APC2: variants seen among roughly 807,000 people sequenced by gnomAD.
APC2 encodes adenomatous polyposis coli protein 2.
APC2 carries 41 observed loss-of-function variants against 72.5 expected under a neutral mutation model. The ratio of observed to expected loss-of-function variants is 0.57; its 90% CI spans 0.44 to 0.73. The LOEUF is 0.73. Ranked by LOEUF, APC2 falls within the 30% of genes least tolerant of loss-of-function variation. The pLI, the probability that APC2 is intolerant of heterozygous loss-of-function variation, is 0.00. For missense variants in APC2, 3,729 were observed against 3,403.4 expected, an observed-to-expected ratio of 1.10 and a Z score of -2.38; for synonymous variants, 1,898 against 1,612.0, an observed-to-expected ratio of 1.18 and a Z score of -4.25.
upstream of APC2, among the ~76,000 whole-genome samples, chr19:1,447,867 C>T (rs2083700987): frequency 6.6e-6 from 1 of 152,152 alleles, no homozygotes; most frequent in South Asian, 2.1e-4. Flanking sequence ...GCCTCAGTTT[C>T]CCCATGTATA....
Position 1,466,465 on chromosome 19 carries a change from T to C in APC2, c.3164T>C (p.Leu1055Pro), listed in dbSNP as rs2145237314. ...CCGCTGTCTGTGGCCAGCAAGGCAC[T>C]GCAGAAACTGGCGGCGCAAGAGGGG... ...AAPLSVASKA[L>P]QKLAAQEGPL... Residue 1055 changes from leucine to proline, a missense_variant, in exon 15 of 15, where the codon CTG becomes CCG. By Grantham distance (98) the Leu-to-Pro change is moderately conservative. Transcript: ENST00000590469. 4 of 1,598,248 alleles carry C rather than the reference T, an allele frequency of 2.5e-6. No individual in the cohort carries two copies. The East Asian group carries it at 8.9e-5, about 36-fold the overall frequency.
chr19:1,454,563 C>CTT (rs71174371), intron 4 of APC2, among the ~76,000 whole-genome samples: 5,915 of 116,078 alleles, frequency 0.051, 658 homozygotes, highest in African/African-American at 0.17. Context: ...ATCTTTTGTA[C>CTT]TTTTTTTTTT....
upstream of APC2, among the ~76,000 whole-genome samples, chr19:1,447,809 A>T (rs148346067): frequency 5.2e-3 from 793 of 152,222 alleles, 14 homozygotes; most frequent in East Asian, 0.031. Flanking sequence ...GTCACTCCGG[A>T]GGCCTGGCTG....
chr19:1,469,487 C>G lies in APC2; in HGVS notation c.6186C>G (p.Pro2062=), dbSNP rs1394657985. The stretch of plus-strand genomic sequence containing the variant: ...CGGCCCCGGCCCGGCAGCGGCCCCC[C>G]GCGGCCCGACCCAGCCCTGGCGAGC... ...QGPAPARQRP[P]AARPSPGERP... The change falls in exon 15 of 15, where the codon CCC becomes CCG. Residue 2062 remains proline, a synonymous_variant. Coordinates refer to ENST00000590469, the MANE Select transcript of APC2 (RefSeq NM_005883.3). The G allele has an allele frequency of 2.7e-6, 3 of 1,106,572 alleles. No homozygotes were observed. Among genetic ancestry groups the G allele is most frequent in the East Asian group, 1.3e-4 (2 of 14,916 alleles). 68.5% of individuals were successfully genotyped at this position (1,106,572 alleles called of 1,614,324 possible).
chr19:1,460,730 G>A, intron 11 of APC2, 50 bp from the exon 12 acceptor site: 1 of 1,569,342 alleles, frequency 6.4e-7, no homozygotes, highest in Non-Finnish European at 8.7e-7. Context: ...GAGGGGCACA[G>A]TCTCCCTTGT....
Position 1,469,461 on chromosome 19 carries a change from C to T in APC2, c.6160C>T (p.Pro2054Ser). 2 of 1,131,398 alleles carry T rather than the reference C, an allele frequency of 1.8e-6. No homozygotes were observed. Among genetic ancestry groups the T allele is most frequent in the Non-Finnish European group, 2.2e-6 (2 of 927,114 alleles). 70.1% of individuals were successfully genotyped at this position (1,131,398 alleles called of 1,614,324 possible). A position where few individuals can be genotyped will look rare whatever the true frequency, so the allele number is the denominator to read the frequency against. Residue 2054 changes from proline (P) to serine (S), a missense_variant, in exon 15 of 15, where the codon CCG (proline) becomes TCG (serine). Transcript: ENST00000590469. ...EELRAAPRQG[P>S]APARQRPPAA... ...GCTCCGAGCGGCACCCCGGCAGGGC[C>T]CGGCCCCGGCCCGGCAGCGGCCCCC... is the stretch of plus-strand genomic sequence containing the variant.
At chr19:1,458,832 C>T (rs1046115560) in intron 10 of APC2, among the ~76,000 whole-genome samples, 4 of 152,044 alleles carry the variant, frequency 2.6e-5, no homozygotes, top group South Asian at 2.1e-4. Flanking sequence ...TACAGGTGCC[C>T]GCCCCCACAC....
chr19:1,462,988 A>G (rs2083951850), intron 14 of APC2, among the ~76,000 whole-genome samples: 1 of 132,114 alleles, frequency 7.6e-6, no homozygotes, highest in Non-Finnish European at 1.6e-5. Flanking sequence ...AAAAAAAATT[A>G]CTTCAGGCTG....
chr19:1,457,825 A>G, intron 9 of APC2, 140 bp from the exon 10 acceptor site: 1 of 705,186 alleles, frequency 1.4e-6, no homozygotes, highest in Non-Finnish European at 2.4e-6. Context: ...AGAGGCTGGG[A>G]AAGGAAGTCC....
chr19:1,466,968 C>A lies in APC2; in HGVS notation c.3667C>A (p.Pro1223Thr), dbSNP rs906413634. The change falls in exon 15 of 15, where the codon CCC (proline) becomes ACC (threonine). Residue 1223 changes from proline to threonine, a missense_variant. Pro to Thr is a conservative substitution (Grantham distance 38). Transcript: ENST00000590469. ...ACCGCTGGCGCCCGCGCCACAGGGTCCCCCCGAGGCCACCCAGTTCAGCCT... is the reference window on the plus strand; with the variant it reads ...ACCGCTGGCGCCCGCGCCACAGGGTACCCCCGAGGCCACCCAGTTCAGCCT... Reference protein sequence around the residue: ...TPPLAPAPQGPPEATQFSLQW... With the variant: ...TPPLAPAPQGTPEATQFSLQW... The A allele has an allele frequency of 6.2e-7, 1 of 1,605,294 alleles. No homozygotes were observed. The highest frequency in any genetic ancestry group is 1.7e-5 in the Admixed American group (1 of 59,154).
chr19:1,462,752 C>G (rs1398186183), intron 14 of APC2, among the ~76,000 whole-genome samples: 2 of 150,148 alleles, frequency 1.3e-5, no homozygotes, highest in South Asian at 4.2e-4. Flanking sequence ...GGGCGGATCA[C>G]GAGGTCAGGA....
At chr19:1,459,872 G>T (rs777426891) in intron 10 of APC2, among the ~76,000 whole-genome samples, 2 of 152,222 alleles carry the variant, frequency 1.3e-5, no homozygotes, top group Non-Finnish European at 2.9e-5. Flanking sequence ...AACAGGGCAG[G>T]GAAGAACATT....
chr19:1,469,452 C>G lies in APC2; in HGVS notation c.6151C>G (p.Arg2051Gly). Residue 2051 changes from arginine to glycine, a missense_variant, in exon 15 of 15, where the codon CGG becomes GGG. By Grantham distance (125) the Arg-to-Gly change is moderately radical. Coordinates refer to ENST00000590469, the MANE Select transcript of APC2 (RefSeq NM_005883.3). The part of the protein sequence containing the change: ...SRCEELRAAP[R>G]QGPAPARQRP... Reference sequence around the variant, plus strand: ...CTGCGAAGAGCTCCGAGCGGCACCCCGGCAGGGCCCGGCCCCGGCCCGGCA... The same window carrying G: ...CTGCGAAGAGCTCCGAGCGGCACCCGGGCAGGGCCCGGCCCCGGCCCGGCA... 8.7e-7 allele frequency: 1 copy of G among 1,145,130 alleles called. No individual in the cohort carries two copies. Among genetic ancestry groups the G allele is most frequent in the Non-Finnish European group, 1.1e-6 (1 of 935,504 alleles). The allele number at this position is 1,145,130 out of a possible 1,614,324, so 70.9% of individuals were successfully genotyped here.
rs1017612034 is a variant in APC2, at chr19:1,453,599, T to C, written c.401T>C (p.Leu134Pro). 1 of 1,602,672 alleles carries C rather than the reference T, an allele frequency of 6.2e-7. No homozygotes were observed. The highest frequency in any genetic ancestry group is 1.3e-5 in the African/African-American group (1 of 74,786). Residue 134 changes from leucine (L) to proline (P), a missense_variant, in exon 4 of 15, where the codon CTG (leucine) becomes CCG (proline). Coordinates refer to ENST00000590469, the MANE Select transcript of APC2 (RefSeq NM_005883.3). ...GCCACCATCCGGCTGCTGGAGGAAC[T>C]GGACCGGGAACGGTGAGTGGGCGTG... ...SRATIRLLEE[L>P]DRERCFLLNE...
rs1010096440 is a variant in APC2, at chr19:1,464,632, C to CTTT, written c.1854-506_1854-504dup. ...TAGGATATGTGCATGCTGTTTTTTCCTTTTTTTTTTTTTTTTTTTGAGATG... is the reference window on the plus strand; with the variant it reads ...TAGGATATGTGCATGCTGTTTTTTCCTTTTTTTTTTTTTTTTTTTTTTGAGATG... On this transcript the variant is annotated intron_variant, in intron 14 of 14. Transcript: ENST00000590469. 1.8e-3 allele frequency among the ~76,000 whole-genome samples: 223 copies of CTTT among 123,682 alleles called. 9 individuals are homozygous for CTTT. The highest frequency in any genetic ancestry group is 6.2e-3 in the African/African-American group (186 of 29,872). The allele number at this position is 123,682 out of a possible 152,430, so 81.1% of individuals were successfully genotyped here. A position where few individuals can be genotyped will look rare whatever the true frequency, so the allele number is the denominator to read the frequency against.
In APC2 at chr19:1,460,273, G is replaced by T. The variant is rs112004558; in HGVS notation, c.1396G>T (p.Ala466Ser). 6.2e-7 allele frequency: 1 copy of T among 1,613,532 alleles called. No individual in the cohort carries two copies. Among genetic ancestry groups the T allele is most frequent in the South Asian group, 1.1e-5 (1 of 91,090 alleles). The stretch of plus-strand genomic sequence containing the variant: ...GCTGAACCTGGCGCTGCGCCGCTAC[G>T]CGGGCATGACCCTCACCAACCTCAC... ...DPLNLALRRY[A>S]GMTLTNLTFG... The change falls in exon 11 of 15, where the codon GCG becomes TCG. Residue 466 changes from alanine (A) to serine (S), a missense_variant. Transcript: ENST00000590469.
chr19:1,469,917 T>C lies in APC2; in HGVS notation c.6616T>C (p.Ser2206Pro). 4 of 1,518,324 alleles carry C rather than the reference T, an allele frequency of 2.6e-6. No individual in the cohort carries two copies. Among genetic ancestry groups the C allele is most frequent in the Non-Finnish European group, 3.5e-6 (4 of 1,139,610 alleles). The allele number at this position is 1,518,324 out of a possible 1,614,324, so 94.1% of individuals were successfully genotyped here. The stretch of plus-strand genomic sequence containing the variant: ...CGCCCCCAAGACCAACTCCAGCACG[T>C]CCCCGAGCCTGGAGACCAGGGAGCC... ...VAAPKTNSSTSPSLETREPPG... is the reference protein window; with the variant it reads ...VAAPKTNSSTPPSLETREPPG... Residue 2206 changes from serine to proline, a missense_variant, in exon 15 of 15, where the codon TCC becomes CCC. Physicochemically the swap from Ser to Pro is moderately conservative, Grantham distance 74 (BLOSUM62 -1). Coordinates refer to ENST00000590469, the MANE Select transcript of APC2 (RefSeq NM_005883.3).
intron 13 of APC2, chr19:1,461,659 T>C (rs576014446): frequency 1.1e-4 from 41 of 383,658 alleles, no homozygotes; most frequent in Middle Eastern, 1.4e-3. Context: ...GAGACCATCC[T>C]GGCTAACACG....
chr19:1,470,336 C>T lies in APC2; in HGVS notation c.*123C>T. ...CCAGGGCCTCTGCCCACCCGAGCCCCACCACTCTCAGAACCCCCGCCCAGC... is the reference window on the plus strand; with the variant it reads ...CCAGGGCCTCTGCCCACCCGAGCCCTACCACTCTCAGAACCCCCGCCCAGC... On this transcript the variant is annotated 3_prime_UTR_variant, in exon 15 of 15. Transcript: ENST00000590469. The T allele has an allele frequency of 3.1e-6, 4 of 1,307,542 alleles. No homozygotes were observed. The South Asian group carries it at 6.5e-5, about 21-fold the overall frequency. 81.0% of individuals were successfully genotyped at this position (1,307,542 alleles called of 1,614,324 possible).
Sources: allele counts gnomAD v4.1 joint callset (sites outside exome capture counted in the v4.1 genomes callset), GRCh38; gene constraint gnomAD v4.1.1; transcripts MANE v1.5; gene names NCBI Gene and HGNC (gene_info 2026-07-23, HGNC 2026-07-21).